The following ANKS1B variants were observed in gnomAD, a reference collection of about 807,000 sequenced individuals.
The protein encoded by ANKS1B is ankyrin repeat and sterile alpha motif domain-containing protein 1B.
ANKS1B carries 36 observed loss-of-function variants against 148.3 expected under a neutral mutation model. That is an observed-to-expected ratio of 0.24 (90% CI 0.19 to 0.32). ANKS1B has a LOEUF of 0.32. Ranked by LOEUF, ANKS1B falls within the 10% of genes least tolerant of loss-of-function variation. The pLI is 1.00. For synonymous variants in ANKS1B, 542 were observed against 560.8 expected (o/e 0.97, Z 0.47); for missense variants, 1,157 against 1,542.6 (o/e 0.75, Z 4.19).
intron 15 of ANKS1B, among the ~76,000 whole-genome samples, chr12:99,086,522 A>G (rs1354721464): frequency 2.6e-5 from 4 of 152,136 alleles, no homozygotes; most frequent in Admixed American, 2.6e-4. Context: ...ACATGCTGAG[A>G]TTCCAAATTT....
At chr12:99,116,998 G>C (rs2061572722) in intron 15 of ANKS1B, among the ~76,000 whole-genome samples, 1 of 152,158 alleles carries the variant, frequency 6.6e-6, no homozygotes, top group Non-Finnish European at 1.5e-5. Context: ...TTGGCTCTCT[G>C]TTTGTCTATT....
chr12:99,883,513 A>G (rs1173953313), intron 1 of ANKS1B, among the ~76,000 whole-genome samples: 1 of 152,196 alleles, frequency 6.6e-6, no homozygotes, highest in African/African-American at 2.4e-5. Flanking sequence ...CAAAAGCATG[A>G]TTCATAAAAA....
chr12:99,495,380 T>TGTGTGTGTGTGTGTG, intron 10 of ANKS1B, among the ~76,000 whole-genome samples: 6 of 148,810 alleles, frequency 4.0e-5, no homozygotes, highest in African/African-American at 1.5e-4. Flanking sequence ...TGTGTGTGTG[T>TGTGTGTGTGTGTGTG]AGTTTATAAT....
intron 9 of ANKS1B, among the ~76,000 whole-genome samples, chr12:99,544,099 TAAGAAA>T (rs951675864): frequency 9.9e-5 from 15 of 152,058 alleles, no homozygotes; most frequent in Non-Finnish European, 1.6e-4. Context: ...TTGTGTGTTG[TAAGAAA>T]AAGAAAAATA....
chr12:99,639,398 T>C (rs1263405714), intron 9 of ANKS1B, among the ~76,000 whole-genome samples: 1 of 152,124 alleles, frequency 6.6e-6, no homozygotes, highest in Non-Finnish European at 1.5e-5. Context: ...GACTTTTGAG[T>C]AAATGCTGAA....
chr12:99,848,344 G>A (rs1282831581), intron 1 of ANKS1B, among the ~76,000 whole-genome samples: 1 of 152,158 alleles, frequency 6.6e-6, no homozygotes. Context: ...TAGAGAGAAA[G>A]AACAGACCAT....
intron 14 of ANKS1B, among the ~76,000 whole-genome samples, chr12:99,163,822 T>G (rs1356046960): frequency 1.3e-5 from 2 of 152,268 alleles, no homozygotes; most frequent in African/African-American, 4.8e-5. Flanking sequence ...CATTTCTGAG[T>G]AGTATTCCAT....
intron 14 of ANKS1B, among the ~76,000 whole-genome samples, chr12:99,212,358 AT>A (rs10708065): frequency 0.82 from 122,082 of 149,720 alleles, 49,858 homozygotes; most frequent in East Asian, 0.91. Context: ...ACGTGTAGAG[AT>A]TTTTTTTTTT....
rs150688952 is a variant in ANKS1B at position 99,343,231 on chromosome 12, T to C, written c.1756+56400A>G. 8.5e-4 allele frequency among the ~76,000 whole-genome samples: 129 copies of C among 152,176 alleles called. 2 individuals are homozygous for C. In the East Asian group the frequency reaches 0.021, roughly 25 times the overall value. On this transcript the variant is annotated intron_variant, in intron 12 of 26. Coordinates refer to ENST00000683438, the MANE Select transcript of ANKS1B (RefSeq NM_001352186.2). ...CATTTAGTGATGAGCAGGAGCCACA[T>C]TCAATGAAGAAAATTAAGTAGCAGT... is the stretch of plus-strand genomic sequence containing the variant.
intron 12 of ANKS1B, among the ~76,000 whole-genome samples, chr12:99,261,882 AG>A (rs2075962343): frequency 6.6e-6 from 1 of 152,126 alleles, no homozygotes; most frequent in Non-Finnish European, 1.5e-5. Flanking sequence ...ATAACCTGTG[AG>A]GCCATACGTG....
intron 9 of ANKS1B, among the ~76,000 whole-genome samples, chr12:99,645,804 A>G (rs1279012514): frequency 2.6e-5 from 4 of 152,194 alleles, no homozygotes; most frequent in Admixed American, 6.5e-5. Flanking sequence ...AAATTCATAA[A>G]AATAGGTATT....
intron 1 of ANKS1B, among the ~76,000 whole-genome samples, chr12:99,896,159 A>G (rs1326112967): frequency 6.6e-6 from 1 of 151,130 alleles, no homozygotes; most frequent in African/African-American, 2.4e-5. Flanking sequence ...TACAGTCCTC[A>G]TGCTATACAG....
chr12:99,536,395 A>T (rs1344027218), intron 9 of ANKS1B, among the ~76,000 whole-genome samples: 2 of 152,188 alleles, frequency 1.3e-5, no homozygotes, highest in African/African-American at 4.8e-5. Context: ...TGCTCTAAAA[A>T]ATTAGTCTTT....
chr12:99,119,189 G>T (rs1395716386), intron 15 of ANKS1B, among the ~76,000 whole-genome samples: 1 of 152,146 alleles, frequency 6.6e-6, no homozygotes, highest in African/African-American at 2.4e-5. Context: ...AAAATAGATG[G>T]AAAGGGAGCT....
intron 17 of ANKS1B, among the ~76,000 whole-genome samples, chr12:99,014,805 T>C (rs2099941426): frequency 6.6e-6 from 1 of 152,090 alleles, no homozygotes; most frequent in Non-Finnish European, 1.5e-5. Flanking sequence ...GAAATTCAAA[T>C]CAAAGCCACA....
chr12:99,415,905 A>G (rs1056783854), intron 11 of ANKS1B, among the ~76,000 whole-genome samples: 5 of 151,932 alleles, frequency 3.3e-5, no homozygotes, highest in African/African-American at 4.8e-5. Context: ...GGATGGTCTC[A>G]ATCTCCTGAC....
chr12:99,723,919 C>G (rs1433168704), intron 8 of ANKS1B, among the ~76,000 whole-genome samples: 3 of 151,868 alleles, frequency 2.0e-5, no homozygotes, highest in Non-Finnish European at 2.9e-5. Flanking sequence ...AGGGGCCTGA[C>G]CATTGAAAGA....
chr12:99,570,645 CA>C (rs34453262), intron 9 of ANKS1B, among the ~76,000 whole-genome samples: 180 of 103,432 alleles, frequency 1.7e-3, no homozygotes, highest in African/African-American at 2.4e-3. Flanking sequence ...GACTTCGTCT[CA>C]AAAAAAAAAA....
intron 4 of ANKS1B, among the ~76,000 whole-genome samples, chr12:99,797,711 C>T (rs1019899275): frequency 1.3e-5 from 2 of 151,012 alleles, no homozygotes; most frequent in African/African-American, 4.9e-5. Flanking sequence ...AACAGCTGAG[C>T]GAAAAGTACT....
Sources: allele counts gnomAD v4.1 joint callset (sites outside exome capture counted in the v4.1 genomes callset), GRCh38; gene constraint gnomAD v4.1.1; transcripts MANE v1.5; gene names NCBI Gene and HGNC (gene_info 2026-07-23, HGNC 2026-07-21).